Variants in SH2D3C observed in about 807,000 individuals in gnomAD.
SH2D3C encodes SH2 domain-containing protein 3C.
In SH2D3C, 25 loss-of-function variants were observed where a neutral mutation model predicts 75.2. That is an observed-to-expected ratio of 0.33 (90% CI 0.24 to 0.46). SH2D3C has a LOEUF of 0.46. Among genes scored for constraint, SH2D3C ranks in the 20% least tolerant of loss-of-function variants. The pLI, the probability that SH2D3C is intolerant of heterozygous loss-of-function variation, is 1.00. For synonymous variants in SH2D3C, 450 were observed against 473.7 expected, an observed-to-expected ratio of 0.95 and a Z score of 0.65; for missense variants, 933 against 1,165.3, an observed-to-expected ratio of 0.80 and a Z score of 2.90.
In SH2D3C at chr9:127,754,144, T is replaced by G. The variant is rs1845283723; in HGVS notation, c.556-2844A>C. On this transcript the variant is annotated intron_variant, in intron 3 of 11. Transcript: ENST00000314830. This position sits in a 1 kb window ranked among gnomAD's most constrained non-coding sequence, Gnocchi z 4.4. ...TGCTGGGGTGCGAATGCAGCATCCC[T>G]GCGCTCGGCGCCCTGCTATTGGCCA... is the stretch of plus-strand genomic sequence containing the variant. Among the ~76,000 whole-genome samples, 1 of 152,186 alleles carries G rather than the reference T, an allele frequency of 6.6e-6. No homozygotes were observed. Among genetic ancestry groups the G allele is most frequent in the Non-Finnish European group, 1.5e-5 (1 of 68,006 alleles).
At chr9:127,766,552 T>C (rs1845639229) in intron 2 of SH2D3C, among the ~76,000 whole-genome samples, 2 of 152,158 alleles carry the variant, frequency 1.3e-5, no homozygotes, top group Non-Finnish European at 2.9e-5. Flanking sequence ...GTTTCTTTCC[T>C]TCCTGTTTTT....
intron 3 of SH2D3C, chr9:127,755,066 G>C (rs1335055712): frequency 6.2e-5 from 73 of 1,181,652 alleles, no homozygotes; most frequent in Non-Finnish European, 7.3e-5. Flanking sequence ...CGGGGGCCGA[G>C]CCGCCCCCTC....
chr9:127,771,694 G>T (rs2131809066), intron 2 of SH2D3C, among the ~76,000 whole-genome samples: 1 of 152,318 alleles, frequency 6.6e-6, no homozygotes, highest in Non-Finnish European at 1.5e-5. Context: ...GGCTCCTGGT[G>T]CAGTCTCATA....
At chr9:127,745,413 C>G (rs1844999064) in intron 6 of SH2D3C, among the ~76,000 whole-genome samples, 1 of 151,494 alleles carries the variant, frequency 6.6e-6, no homozygotes, top group African/African-American at 2.4e-5. Context: ...GTTTCTTGTG[C>G]CACATGTGAT....
At chr9:127,775,148 C>G (rs1397540637) in intron 1 of SH2D3C, among the ~76,000 whole-genome samples, 1 of 152,128 alleles carries the variant, frequency 6.6e-6, no homozygotes, top group African/African-American at 2.4e-5. Context: ...TGGTGCTTGG[C>G]ACACAGAATA....
intron 2 of SH2D3C, chr9:127,771,554 T>C (rs1845740056): frequency 2.9e-6 from 1 of 343,732 alleles, no homozygotes; most frequent in South Asian, 6.7e-5. Context: ...AACGCTCGCT[T>C]CCCCAGCAGC....
intron 2 of SH2D3C, among the ~76,000 whole-genome samples, chr9:127,766,178 G>A (rs1845630674): frequency 6.6e-6 from 1 of 152,170 alleles, no homozygotes; most frequent in Non-Finnish European, 1.5e-5. Flanking sequence ...CCCCACCCTG[G>A]CCCTCTTTCA....
At position 127,739,594 on chromosome 9, in the gene SH2D3C, A is replaced by C. The variant is rs1277413828; in HGVS notation, c.2407+88T>G. The C allele has an allele frequency of 8.3e-7, 1 of 1,201,096 alleles. No individual in the cohort carries two copies. Among genetic ancestry groups the C allele is most frequent in the Non-Finnish European group, 1.2e-6 (1 of 840,556 alleles). The allele number at this position is 1,201,096 out of a possible 1,614,324, so 74.4% of individuals were successfully genotyped here. A position where few individuals can be genotyped will look rare whatever the true frequency, so the allele number is the denominator to read the frequency against. ...AGGACAGAGGAGTGGAGAAATGTGA[A>C]TGGATGCCTTGGAGAAAAGGGAAGC... On this transcript the variant is annotated intron_variant, in intron 11 of 11. Coordinates refer to ENST00000314830, the MANE Select transcript of SH2D3C (RefSeq NM_170600.3). This position sits in a 1 kb window ranked among gnomAD's most constrained non-coding sequence, Gnocchi z 4.3.
Position 127,751,374 on chromosome 9 carries a change from C to A in SH2D3C, c.556-74G>T. The A allele has an allele frequency of 7.1e-7, 1 of 1,400,310 alleles. No individual in the cohort carries two copies. The highest frequency in any genetic ancestry group is 1.2e-5 in the South Asian group (1 of 84,724). 86.7% of individuals were successfully genotyped at this position (1,400,310 alleles called of 1,614,324 possible). A position where few individuals can be genotyped will look rare whatever the true frequency, so the allele number is the denominator to read the frequency against. ...TCTTTCCCTCCCAACTTCATTCTAC[C>A]ATGGATGAACTCCTCCTATCCTGGG... is the stretch of plus-strand genomic sequence containing the variant. On this transcript the variant is annotated intron_variant, in intron 3 of 11. Coordinates refer to ENST00000314830, the MANE Select transcript of SH2D3C (RefSeq NM_170600.3). The surrounding 1 kb of genome is among the most constrained non-coding windows in gnomAD (Gnocchi z 4.1).
At chr9:127,745,214 A>C in intron 6 of SH2D3C, 115 bp from the exon 7 acceptor site, 2 of 804,378 alleles carry the variant, frequency 2.5e-6, no homozygotes, top group East Asian at 3.0e-5. Context: ...TACAGAGGTG[A>C]TGTCCCCACC....
At chr9:127,758,468 C>T (rs1181858619) in intron 3 of SH2D3C, among the ~76,000 whole-genome samples, 1 of 152,056 alleles carries the variant, frequency 6.6e-6, no homozygotes, top group Non-Finnish European at 1.5e-5. Flanking sequence ...CACTACCTTA[C>T]CAGGCAGCTG....
At chr9:127,757,270 T>C (rs1845407919) in intron 3 of SH2D3C, among the ~76,000 whole-genome samples, 1 of 128,350 alleles carries the variant, frequency 7.8e-6, no homozygotes. Flanking sequence ...AACCCTCATT[T>C]GATTTTTTTT....
chr9:127,771,195 C>T, intron 2 of SH2D3C: 1 of 1,545,242 alleles, frequency 6.5e-7, no homozygotes, highest in Non-Finnish European at 8.7e-7. Context: ...CCCTCGGGAC[C>T]CCAGCGCGGG....
chr9:127,772,401 A>G (rs941893531), intron 2 of SH2D3C, among the ~76,000 whole-genome samples: 6 of 151,688 alleles, frequency 4.0e-5, no homozygotes, highest in Non-Finnish European at 4.4e-5. Flanking sequence ...CCGCCGCCAC[A>G]CCCGGCTAAT....
rs1259437113 is a variant in SH2D3C, at chr9:127,774,926, C to A, written c.38-459G>T. 6.6e-6 allele frequency among the ~76,000 whole-genome samples: 1 copy of A among 151,994 alleles called. No homozygotes were observed. Among genetic ancestry groups the A allele is most frequent in the Non-Finnish European group, 1.5e-5 (1 of 68,002 alleles). ...ACAACATGATGAAACCCCTTCTCTA[C>A]TAACAATACAAACATTAGCCGGGTG... On this transcript the variant is annotated intron_variant, in intron 1 of 11. Transcript: ENST00000314830. The surrounding 1 kb of genome is among the most constrained non-coding windows in gnomAD (Gnocchi z 4.3).
rs886145548 is a variant in SH2D3C at position 127,751,754 on chromosome 9, A to C, written c.556-454T>G. Among the ~76,000 whole-genome samples, 2 of 152,212 alleles carry C rather than the reference A, an allele frequency of 1.3e-5. No homozygotes were observed. The highest frequency in any genetic ancestry group is 4.8e-5 in the African/African-American group (2 of 41,448). On this transcript the variant is annotated intron_variant, in intron 3 of 11. Coordinates refer to ENST00000314830, the MANE Select transcript of SH2D3C (RefSeq NM_170600.3). The surrounding 1 kb of genome is among the most constrained non-coding windows in gnomAD (Gnocchi z 4.1). ...GTAAGAAAACACTCATTATATACCA[A>C]GGGCACCAAACTGTTCTTGAAGTGT...
chr9:127,739,996 G>A lies in SH2D3C; in HGVS notation c.2201-108C>T. 1.8e-6 allele frequency: 2 copies of A among 1,091,982 alleles called. No individual in the cohort carries two copies. The highest frequency in any genetic ancestry group is 3.3e-5 in the South Asian group (2 of 59,962). 67.6% of individuals were successfully genotyped at this position (1,091,982 alleles called of 1,614,324 possible). ...GGGAACGGGCCTGGCTGAGGTCCGGGAGAGAGCCCCAAGGGCTCCTGACTC... is the reference window on the plus strand; with the variant it reads ...GGGAACGGGCCTGGCTGAGGTCCGGAAGAGAGCCCCAAGGGCTCCTGACTC... On this transcript the variant is annotated intron_variant, in intron 10 of 11. Coordinates refer to ENST00000314830, the MANE Select transcript of SH2D3C (RefSeq NM_170600.3). The surrounding 1 kb of genome is among the most constrained non-coding windows in gnomAD (Gnocchi z 4.3).
chr9:127,753,497 C>A (rs563479204), intron 3 of SH2D3C, among the ~76,000 whole-genome samples: 2 of 152,196 alleles, frequency 1.3e-5, no homozygotes, highest in South Asian at 4.1e-4. Flanking sequence ...AGGAGAAAGG[C>A]GGGGCCTGGG....
chr9:127,742,810 G>A (rs761415023), intron 8 of SH2D3C, 39 bp downstream of exon 8: 3 of 1,519,404 alleles, frequency 2.0e-6, no homozygotes, highest in South Asian at 1.2e-5. Flanking sequence ...CGGTAGCCGG[G>A]GGTTCCCCGC....
Sources: allele counts gnomAD v4.1 joint callset (sites outside exome capture counted in the v4.1 genomes callset), GRCh38; gene constraint gnomAD v4.1.1; non-coding constraint Gnocchi (gnomAD v3.1); transcripts MANE v1.5; gene names NCBI Gene and HGNC (gene_info 2026-07-23, HGNC 2026-07-21).